Variants in CFAP61 observed in about 807,000 individuals in gnomAD.
CFAP61 encodes the protein cilia- and flagella-associated protein 61.
A neutral mutation model predicts 135.6 loss-of-function variants in CFAP61; 107 were observed. The ratio of observed to expected loss-of-function variants is 0.79; its 90% CI spans 0.67 to 0.93. CFAP61 has a LOEUF of 0.93. CFAP61 is among the 40% of genes least tolerant of loss of function. The pLI is 0.00. For synonymous variants in CFAP61, 575 were observed against 578.5 expected, an observed-to-expected ratio of 0.99 and a Z score of 0.09; for missense variants, 1,507 against 1,556.2, an observed-to-expected ratio of 0.97 and a Z score of 0.53.
At chr20:20,141,602 AT>A (rs2051410223) in intron 8 of CFAP61, among the ~76,000 whole-genome samples, 2 of 152,202 alleles carry the variant, frequency 1.3e-5, no homozygotes, top group African/African-American at 4.8e-5. Flanking sequence ...CTCTTCGACT[AT>A]GCCATTTACA....
chr20:20,301,379 T>G (rs1472598025), intron 25 of CFAP61, among the ~76,000 whole-genome samples: 1 of 152,174 alleles, frequency 6.6e-6, no homozygotes, highest in Non-Finnish European at 1.5e-5. Flanking sequence ...GACTAGACTA[T>G]CTAGGTTTGT....
chr20:20,175,327 A>G (rs961573946), intron 13 of CFAP61, among the ~76,000 whole-genome samples: 1 of 152,172 alleles, frequency 6.6e-6, no homozygotes, highest in African/African-American at 2.4e-5. Context: ...AGTGTGGTCC[A>G]GGGATCGGCA....
chr20:20,317,948 G>C (rs754996351), intron 25 of CFAP61, among the ~76,000 whole-genome samples: 1 of 152,188 alleles, frequency 6.6e-6, no homozygotes, highest in African/African-American at 2.4e-5. Context: ...GACAAACGGC[G>C]CCTGCAAGCT....
At chr20:20,265,296 C>T (rs141515508) in intron 21 of CFAP61, 9 of 741,818 alleles carry the variant, frequency 1.2e-5, no homozygotes, top group Non-Finnish European at 1.7e-5. Flanking sequence ...AAAGAGCCTT[C>T]GAAAGTGGCA....
intron 25 of CFAP61, among the ~76,000 whole-genome samples, chr20:20,306,525 C>T (rs960576037): frequency 6.6e-6 from 1 of 152,100 alleles, no homozygotes; most frequent in Non-Finnish European, 1.5e-5. Flanking sequence ...CATGAGTATC[C>T]CCCTCTAACA....
chr20:20,284,250 C>CTTTATTTTATTTTATTTTATTTTAT (rs749504536), intron 22 of CFAP61, among the ~76,000 whole-genome samples: 1 of 144,980 alleles, frequency 6.9e-6, no homozygotes, highest in South Asian at 2.3e-4. Flanking sequence ...TCAATTGGCT[C>CTTTATTTTATTTTATTTTATTTTAT]TTTATTTTAT....
intron 18 of CFAP61, among the ~76,000 whole-genome samples, chr20:20,239,190 C>A (rs1346387487): frequency 6.6e-6 from 1 of 152,150 alleles, no homozygotes; most frequent in African/African-American, 2.4e-5. Flanking sequence ...AATTAAAAAT[C>A]AGTCTATTAG....
At chr20:20,295,204 T>G (rs548452034) in intron 24 of CFAP61, among the ~76,000 whole-genome samples, 1 of 152,234 alleles carries the variant, frequency 6.6e-6, no homozygotes, top group South Asian at 2.1e-4. Context: ...GGAATCCAAG[T>G]CAGCCCTCCT....
chr20:20,219,997 C>T (rs1418146277), intron 17 of CFAP61: 1 of 152,130 alleles, frequency 6.6e-6, no homozygotes, highest in Non-Finnish European at 1.5e-5. Flanking sequence ...ATTACAAGCT[C>T]CTTACAACAA....
At position 20,164,032 on chromosome 20, in the gene CFAP61, C is replaced by T; in HGVS notation, c.1027-18C>T. On this transcript the variant is annotated intron_variant, in intron 10 of 26. Transcript: ENST00000245957. ...ATTGACAGGATTCTCATTGGCTCCT[C>T]CTGTCTCCTTGCTCTAGGACATAGA... The T allele has an allele frequency of 1.3e-6, 2 of 1,585,390 alleles. No individual in the cohort carries two copies. Among genetic ancestry groups the T allele is most frequent in the South Asian group, 1.2e-5 (1 of 86,678 alleles).
At chr20:20,143,691 C>T (rs1246443258) in intron 9 of CFAP61, among the ~76,000 whole-genome samples, 1 of 152,128 alleles carries the variant, frequency 6.6e-6, no homozygotes, top group African/African-American at 2.4e-5. Context: ...CCTTCTAGGT[C>T]ACAACGCAGG....
At chr20:20,086,810 A>G (rs1471331944) in intron 6 of CFAP61, among the ~76,000 whole-genome samples, 1 of 152,212 alleles carries the variant, frequency 6.6e-6, no homozygotes, top group African/African-American at 2.4e-5. Flanking sequence ...GGCCGTAAGA[A>G]TTAGCACCAG....
chr20:20,208,947 G>C (rs1030671339), intron 17 of CFAP61, among the ~76,000 whole-genome samples: 1 of 152,176 alleles, frequency 6.6e-6, no homozygotes, highest in Non-Finnish European at 1.5e-5. Context: ...GGGTGGGGGG[G>C]CATGGGACTC....
intron 13 of CFAP61, among the ~76,000 whole-genome samples, chr20:20,178,265 G>T (rs2054785680): frequency 1.3e-5 from 2 of 152,126 alleles, no homozygotes; most frequent in Non-Finnish European, 2.9e-5. Context: ...CACTTTAATT[G>T]TGGATAAATT....
intron 20 of CFAP61, among the ~76,000 whole-genome samples, chr20:20,261,898 C>T (rs530620424): frequency 6.6e-6 from 1 of 152,178 alleles, no homozygotes; most frequent in South Asian, 2.1e-4. Context: ...ACTTTCCTTA[C>T]AGTAGAGGAA....
intron 18 of CFAP61, among the ~76,000 whole-genome samples, chr20:20,233,523 A>G (rs2049327539): frequency 6.6e-6 from 1 of 152,190 alleles, no homozygotes; most frequent in Admixed American, 6.5e-5. Context: ...CACAGGGCAT[A>G]CGGGACATCA....
At position 20,056,648 on chromosome 20, in the gene CFAP61, TA is replaced by T; in HGVS notation, c.1del. On this transcript the variant is annotated 5_prime_UTR_variant, in exon 2 of 27. Coordinates refer to ENST00000245957, the MANE Select transcript of CFAP61 (RefSeq NM_015585.4). ...TTTTTTCTCTCTTTTGGGGACAGGA[TA>T]AAAAATGTCAGTACTCACTTCTCCA... 1 of 1,613,802 alleles carries T rather than the reference TA, an allele frequency of 6.2e-7. No homozygotes were observed.
chr20:20,360,603 C>T lies in CFAP61; in HGVS notation c.*193C>T. On this transcript the variant is annotated 3_prime_UTR_variant, in exon 27 of 27. Coordinates refer to ENST00000245957, the MANE Select transcript of CFAP61 (RefSeq NM_015585.4). ...CCAGTAGGTGGCACACGGCCGTGTG[C>T]CTCTCTTCTGGGGCAGGCTCGCTTT... 1 of 594,244 alleles carries T rather than the reference C, an allele frequency of 1.7e-6. No individual in the cohort carries two copies. The highest frequency in any genetic ancestry group is 2.8e-5 in the East Asian group (1 of 35,850). The allele number at this position is 594,244 out of a possible 1,614,324, so 36.8% of individuals were successfully genotyped here.
intron 21 of CFAP61, among the ~76,000 whole-genome samples, chr20:20,263,747 G>C (rs900864657): frequency 1.3e-5 from 2 of 152,160 alleles, no homozygotes; most frequent in Admixed American, 6.6e-5. Context: ...AACCAGAAGA[G>C]AGCCTGGCTA....
Sources: allele counts gnomAD v4.1 joint callset (sites outside exome capture counted in the v4.1 genomes callset), GRCh38; gene constraint gnomAD v4.1.1; transcripts MANE v1.5; gene names NCBI Gene and HGNC (gene_info 2026-07-23, HGNC 2026-07-21).